BAIAP2L1: variants seen among roughly 807,000 people sequenced by gnomAD.
BAIAP2L1 encodes the protein BAR/IMD domain-containing adapter protein 2-like 1.
In BAIAP2L1, 35 loss-of-function variants were observed where a neutral mutation model predicts 66.3. That is an observed-to-expected ratio of 0.53 (90% CI 0.40 to 0.70). The LOEUF is 0.70. BAIAP2L1 is among the 30% of genes least tolerant of loss of function. BAIAP2L1 has a pLI of 0.00. For missense variants in BAIAP2L1, 622 were observed against 656.9 expected, an observed-to-expected ratio of 0.95 and a Z score of 0.58; for synonymous variants, 269 against 248.7, an observed-to-expected ratio of 1.08 and a Z score of -0.77.
At chr7:98,362,480 A>G (rs3801257) in intron 1 of BAIAP2L1, 48 bp from the exon 2 acceptor site, 682,738 of 1,514,534 alleles carry the variant, frequency 0.45, 161,731 homozygotes, top group Middle Eastern at 0.53. Context: ...AAAATAAACC[A>G]AGTCATCTTC....
At chr7:98,399,465 G>T (rs1803296882) in intron 1 of BAIAP2L1, among the ~76,000 whole-genome samples, 1 of 152,010 alleles carries the variant, frequency 6.6e-6, no homozygotes, top group African/African-American at 2.4e-5. Context: ...TAAAATTTTA[G>T]GTTTAAAAAA....
At chr7:98,383,471 G>C (rs1267255271) in intron 1 of BAIAP2L1, among the ~76,000 whole-genome samples, 1 of 151,806 alleles carries the variant, frequency 6.6e-6, no homozygotes. Context: ...ATTTTTAGTA[G>C]AGACGGGGTT....
intron 1 of BAIAP2L1, among the ~76,000 whole-genome samples, chr7:98,390,690 C>T (rs1803016182): frequency 6.6e-6 from 1 of 151,788 alleles, no homozygotes; most frequent in Non-Finnish European, 1.5e-5. Flanking sequence ...CAAGATTGCG[C>T]CACTGCACTA....
At chr7:98,343,949 G>A (rs989675395) in intron 3 of BAIAP2L1, among the ~76,000 whole-genome samples, 2 of 152,218 alleles carry the variant, frequency 1.3e-5, no homozygotes, top group African/African-American at 2.4e-5. Flanking sequence ...GGGAGGCCGA[G>A]GCGGACGGAT....
In BAIAP2L1 at chr7:98,391,000, AT is replaced by A. The variant is rs10538495; in HGVS notation, c.51+9801del. ...AGGCGCACTCCACCACACCCAGCTAATTTTTTTTTTTTTTTGTATTTTTAGT... is the reference window on the plus strand; with the variant it reads ...AGGCGCACTCCACCACACCCAGCTAATTTTTTTTTTTTTTGTATTTTTAGT... On this transcript the variant is annotated intron_variant, in intron 1 of 13. Transcript: ENST00000005260. Among the ~76,000 whole-genome samples the A allele has an allele frequency of 7.9e-3, 1,139 of 144,246 alleles. 18 individuals are homozygous for A. Among genetic ancestry groups the A allele is most frequent in the African/African-American group, 0.025 (968 of 38,818 alleles). The allele number at this position is 144,246 out of a possible 152,430, so 94.6% of individuals were successfully genotyped here.
At chr7:98,380,144 C>G (rs540572265) in intron 1 of BAIAP2L1, among the ~76,000 whole-genome samples, 1 of 149,972 alleles carries the variant, frequency 6.7e-6, no homozygotes, top group African/African-American at 2.5e-5. Context: ...GTGGTGTGAT[C>G]AGACCTCATG....
rs769217743 is a variant in BAIAP2L1 at position 98,315,316 on chromosome 7, CAG to C, written c.639+142_639+143del. ...TTTTTTTTATTATTTTTTATAGAGA[CAG>C]AGTTTTGCCATGTTGCCCAGGCCCA... On this transcript the variant is annotated intron_variant, in intron 7 of 13. Transcript: ENST00000005260. The C allele has an allele frequency of 7.9e-6, 5 of 629,624 alleles. No individual in the cohort carries two copies. In the East Asian group the frequency reaches 1.1e-4, roughly 14 times the overall value. The allele number at this position is 629,624 out of a possible 1,614,324, so 39.0% of individuals were successfully genotyped here. A position where few individuals can be genotyped will look rare whatever the true frequency, so the allele number is the denominator to read the frequency against.
rs188129139 is a variant in BAIAP2L1 at position 98,361,271 on chromosome 7, C to A, written c.127+1086G>T. Among the ~76,000 whole-genome samples the A allele has an allele frequency of 9.2e-5, 14 of 151,748 alleles. No individual in the cohort carries two copies. The East Asian group carries it at 2.3e-3, about 25-fold the overall frequency. The stretch of plus-strand genomic sequence containing the variant: ...ACTTGGGAGGCTGAGGCAGAAGAAT[C>A]GCTTGAGCCTGGGAGGCAGAGGTTG... On this transcript the variant is annotated intron_variant, in intron 2 of 13. Transcript: ENST00000005260.
chr7:98,337,874 C>T (rs1264537411), intron 3 of BAIAP2L1, among the ~76,000 whole-genome samples: 2 of 152,016 alleles, frequency 1.3e-5, no homozygotes, highest in South Asian at 2.1e-4. Flanking sequence ...GCCGAGATCA[C>T]GCCACTGCAC....
chr7:98,338,424 A>C (rs2115619967), intron 3 of BAIAP2L1, among the ~76,000 whole-genome samples: 1 of 148,212 alleles, frequency 6.7e-6, no homozygotes, highest in Non-Finnish European at 1.5e-5. Flanking sequence ...TCCGTCTTAA[A>C]AAAAAAAAAA....
chr7:98,317,256 C>A lies in BAIAP2L1; in HGVS notation c.449G>T (p.Ser150Ile). ...LKKIRRKSQG[S>I]RNALKYEHKE... ...GTGTTCATATTTGAGTGCGTTTCGG[C>A]TTCCTTGGCTTTTCCTTCTGATCTT... The change falls in exon 6 of 14, where the codon AGC becomes ATC. Residue 150 changes from serine (S) to isoleucine (I), a missense_variant. Coordinates refer to ENST00000005260, the MANE Select transcript of BAIAP2L1 (RefSeq NM_018842.5). The A allele has an allele frequency of 6.2e-7, 1 of 1,614,244 alleles. No homozygotes were observed. The highest frequency in any genetic ancestry group is 8.5e-7 in the Non-Finnish European group (1 of 1,180,042).
chr7:98,396,365 A>G (rs530248543), intron 1 of BAIAP2L1, among the ~76,000 whole-genome samples: 1 of 152,272 alleles, frequency 6.6e-6, no homozygotes, highest in Non-Finnish European at 1.5e-5. Context: ...CACCGCTCCT[A>G]GCCTCATTTT....
chr7:98,311,018 G>A (rs1800849421), intron 8 of BAIAP2L1, among the ~76,000 whole-genome samples: 1 of 152,090 alleles, frequency 6.6e-6, no homozygotes, highest in South Asian at 2.1e-4. Context: ...GGCAGAAAGA[G>A]TGGATCCATG....
intron 3 of BAIAP2L1, among the ~76,000 whole-genome samples, chr7:98,348,161 T>TA (rs991711223): frequency 6.6e-6 from 1 of 151,402 alleles, no homozygotes; most frequent in East Asian, 1.9e-4. Flanking sequence ...AGAAAAAGAA[T>TA]AAAAGAGTCA....
At chr7:98,326,989 C>T (rs932334199) in intron 3 of BAIAP2L1, among the ~76,000 whole-genome samples, 3 of 152,150 alleles carry the variant, frequency 2.0e-5, no homozygotes, top group East Asian at 1.9e-4. Flanking sequence ...TTATACTCAG[C>T]GGACATAAAA....
At chr7:98,384,737 G>A (rs968812358) in intron 1 of BAIAP2L1, among the ~76,000 whole-genome samples, 2 of 117,780 alleles carry the variant, frequency 1.7e-5, no homozygotes, top group African/African-American at 6.4e-5. Flanking sequence ...TCGCTCTGTT[G>A]CCCAGGCTGG....
At chr7:98,324,112 C>T (rs912248573) in intron 3 of BAIAP2L1, among the ~76,000 whole-genome samples, 7 of 152,188 alleles carry the variant, frequency 4.6e-5, no homozygotes, top group African/African-American at 9.6e-5. Context: ...AGAAACACAC[C>T]ACTGTGCTGT....
At chr7:98,326,488 T>C (rs1374031818) in intron 3 of BAIAP2L1, among the ~76,000 whole-genome samples, 1 of 152,084 alleles carries the variant, frequency 6.6e-6, no homozygotes, top group African/African-American at 2.4e-5. Context: ...CTTAACTAAC[T>C]AGCGGGTATG....
At position 98,293,423 on chromosome 7, in the gene BAIAP2L1, AC is replaced by A. The variant is rs1800050572; in HGVS notation, c.*97del. 8.7e-7 allele frequency: 1 copy of A among 1,154,300 alleles called. No homozygotes were observed. Among genetic ancestry groups the A allele is most frequent in the Admixed American group, 1.8e-5 (1 of 54,110 alleles). The allele number at this position is 1,154,300 out of a possible 1,614,324, so 71.5% of individuals were successfully genotyped here. A position where few individuals can be genotyped will look rare whatever the true frequency, so the allele number is the denominator to read the frequency against. On this transcript the variant is annotated 3_prime_UTR_variant, in exon 14 of 14. Coordinates refer to ENST00000005260, the MANE Select transcript of BAIAP2L1 (RefSeq NM_018842.5). ...GGCGACATTAGAGTTAGGCCTCTCC[AC>A]TGAAGCTTCCCGACCGTCAGCACGT...
Sources: allele counts gnomAD v4.1 joint callset (sites outside exome capture counted in the v4.1 genomes callset), GRCh38; gene constraint gnomAD v4.1.1; transcripts MANE v1.5; gene names NCBI Gene and HGNC (gene_info 2026-07-23, HGNC 2026-07-21).